C8orf89: variants seen among roughly 807,000 people sequenced by gnomAD.
The protein encoded by C8orf89 is chromosome 8 open reading frame 89, also known as putative uncharacterized protein C8orf89.
A neutral mutation model predicts 15.8 loss-of-function variants in C8orf89; 14 were observed. The observed-to-expected ratio is 0.89, with a 90% CI of 0.59 to 1.39. The LOEUF (loss-of-function observed/expected upper bound fraction) is 1.39. Ranked by LOEUF, C8orf89 falls within the 40% of genes most tolerant of loss-of-function variation. C8orf89 has a pLI of 0.00. For missense variants in C8orf89, 181 were observed against 184.5 expected (o/e 0.98, Z 0.11); for synonymous variants, 55 against 62.2 (o/e 0.88, Z 0.54).
At chr8:73,271,904 G>A in the C8orf89 span, among the ~76,000 whole-genome samples, 5 of 152,244 alleles carry the variant, frequency 3.3e-5, no homozygotes, top group Admixed American at 2.0e-4. Context: ...AGATTTGGAC[G>A]GGGACACAGA....
chr8:73,241,710 T>C (rs1445813775), intron 3 of C8orf89, 105 bp from the exon 4 acceptor site: 14 of 946,506 alleles, frequency 1.5e-5, no homozygotes, highest in Non-Finnish European at 1.9e-5. Context: ...CAAATGACTA[T>C]TACACACTAC....
At chr8:73,274,741 GGAGAAAA>G in the C8orf89 span, among the ~76,000 whole-genome samples, 4 of 152,236 alleles carry the variant, frequency 2.6e-5, no homozygotes, top group Middle Eastern at 3.4e-3. Flanking sequence ...CGTAGGTATA[GGAGAAAA>G]GATACTGAGT....
chr8:73,253,386 T>C (rs1012883286), intron 2 of C8orf89, among the ~76,000 whole-genome samples: 4 of 152,200 alleles, frequency 2.6e-5, no homozygotes, highest in Non-Finnish European at 5.9e-5. Flanking sequence ...TCCAGCTTTA[T>C]TCTTTTGGCT....
At chr8:73,249,434 A>T (rs1267117617) in intron 3 of C8orf89, among the ~76,000 whole-genome samples, 3 of 152,192 alleles carry the variant, frequency 2.0e-5, no homozygotes, top group Non-Finnish European at 2.9e-5. Context: ...CTTGTCTCAT[A>T]GAATGAGTTA....
the C8orf89 span, among the ~76,000 whole-genome samples, chr8:73,274,440 C>T: frequency 1.3e-5 from 2 of 152,264 alleles, no homozygotes; most frequent in Admixed American, 6.5e-5. Context: ...TGTGAGCCAC[C>T]GCACCTGGCC....
intron 3 of C8orf89, among the ~76,000 whole-genome samples, chr8:73,247,160 A>G (rs948162312): frequency 1.3e-5 from 2 of 152,106 alleles, no homozygotes; most frequent in African/African-American, 2.4e-5. Flanking sequence ...CCTAGTACCC[A>G]TTAGTTATTT....
chr8:73,255,338 C>T (rs1299663369), intron 2 of C8orf89, among the ~76,000 whole-genome samples: 49 of 152,236 alleles, frequency 3.2e-4, no homozygotes, highest in African/African-American at 1.2e-3. Context: ...CAAAAGAAGA[C>T]ATTTATGCAG....
chr8:73,277,945 T>A, the C8orf89 span: 1 of 661,496 alleles, frequency 1.5e-6, no homozygotes, highest in Non-Finnish European at 2.9e-6. Context: ...GAAACATGTC[T>A]GTGTTGGCCA....
intron 2 of C8orf89, among the ~76,000 whole-genome samples, chr8:73,252,046 T>C (rs984431742): frequency 6.6e-6 from 1 of 152,232 alleles, no homozygotes; most frequent in Non-Finnish European, 1.5e-5. Context: ...TGACTTAAGT[T>C]ACCATCTGGT....
chr8:73,274,605 G>A, the C8orf89 span, among the ~76,000 whole-genome samples: 54 of 152,006 alleles, frequency 3.6e-4, no homozygotes, highest in South Asian at 8.3e-4. Flanking sequence ...GCATGTTTGC[G>A]TCCTATGTTT....
At chr8:73,259,779 CAT>C (rs1346517216), upstream of C8orf89, among the ~76,000 whole-genome samples, 27 of 151,466 alleles carry the variant, frequency 1.8e-4, no homozygotes, top group Middle Eastern at 6.8e-3. Context: ...GGAAAATAAA[CAT>C]GTTTTCTAGA....
At chr8:73,261,325 C>T (rs796503899), upstream of C8orf89, among the ~76,000 whole-genome samples, 78 of 152,234 alleles carry the variant, frequency 5.1e-4, no homozygotes, top group African/African-American at 1.8e-3. Context: ...TAGTTTAACA[C>T]AGCCGCAGTG....
chr8:73,260,746 T>G (rs1043892138), upstream of C8orf89, among the ~76,000 whole-genome samples: 1 of 152,062 alleles, frequency 6.6e-6, no homozygotes, highest in African/African-American at 2.4e-5. Flanking sequence ...AGCATTGTGA[T>G]GGTTAATATT....
the C8orf89 span, among the ~76,000 whole-genome samples, chr8:73,272,639 G>A: frequency 1.3e-5 from 2 of 151,088 alleles, no homozygotes; most frequent in African/African-American, 4.9e-5. Flanking sequence ...GGTGTGTGAT[G>A]TTCCCCTTCC....
the C8orf89 span, chr8:73,277,795 C>T: frequency 1.4e-6 from 1 of 731,586 alleles, no homozygotes; most frequent in Non-Finnish European, 2.6e-6. Flanking sequence ...AGGAAACAGC[C>T]TGGCCTCCGC....
chr8:73,259,394 C>T lies in C8orf89; in HGVS notation c.65G>A (p.Ser22Asn). The change falls in exon 1 of 4, where the codon AGT becomes AAT. Residue 22 changes from serine (S) to asparagine (N), a missense_variant. Transcript: ENST00000624510. ...TSKFTRSSFG[S>N]CLIFESSWKK... ...CCAACTACTCTCAAAAATCAAACAA[C>T]TGCCAAAGGAACTTCTGGTGAATTT... The T allele has an allele frequency of 6.5e-7, 1 of 1,531,788 alleles. No homozygotes were observed. Among genetic ancestry groups the T allele is most frequent in the South Asian group, 1.2e-5 (1 of 83,692 alleles). 94.9% of individuals were successfully genotyped at this position (1,531,788 alleles called of 1,614,324 possible). A position where few individuals can be genotyped will look rare whatever the true frequency, so the allele number is the denominator to read the frequency against.
In C8orf89 at chr8:73,241,383, C is replaced by A; in HGVS notation, c.*74G>T. On this transcript the variant is annotated 3_prime_UTR_variant, in exon 4 of 4. Coordinates refer to ENST00000624510, the MANE Select transcript of C8orf89 (RefSeq NM_001243237.3). ...TTCCATTTTTATATAAATCATTTTG[C>A]ATCATATCATATAAAAAAAGAAAAT... The A allele has an allele frequency of 8.7e-7, 1 of 1,149,308 alleles. No homozygotes were observed. The allele number at this position is 1,149,308 out of a possible 1,614,324, so 71.2% of individuals were successfully genotyped here.
chr8:73,260,625 C>G (rs7005226), upstream of C8orf89, among the ~76,000 whole-genome samples: 91,602 of 151,614 alleles, frequency 0.6, 27,883 homozygotes, highest in East Asian at 0.7. Flanking sequence ...GAGCACACAG[C>G]AGGGATTCCC....
At chr8:73,279,672 T>A in the C8orf89 span, among the ~76,000 whole-genome samples, 1 of 152,246 alleles carries the variant, frequency 6.6e-6, no homozygotes, top group African/African-American at 2.4e-5. Flanking sequence ...GGTGAGATGT[T>A]TCTTTCCCTG....
Sources: gnomAD v4.1 joint callset for allele counts (sites outside exome capture counted in the v4.1 genomes callset) on GRCh38, gnomAD v4.1.1 for gene constraint, MANE v1.5 for transcripts, NCBI Gene and HGNC (gene_info 2026-07-23, HGNC 2026-07-21) for gene names.